Variants in SPATS1 observed in about 807,000 individuals in gnomAD.
SPATS1 encodes the protein spermatogenesis-associated serine-rich protein 1.
Under a neutral mutation model 33.6 loss-of-function variants are expected in SPATS1, and 23 were observed. That is an observed-to-expected ratio of 0.68 (90% confidence interval 0.49 to 0.97). The LOEUF is 0.97. Among genes scored for constraint, SPATS1 ranks in the 50% least tolerant of loss-of-function variants. The pLI is 0.00. For synonymous variants in SPATS1, 131 were observed against 125.6 expected, an observed-to-expected ratio of 1.04 and a Z score of -0.29; for missense variants, 327 against 361.0, an observed-to-expected ratio of 0.91 and a Z score of 0.76.
chr6:44,371,754 G>A (rs1345964326), intron 7 of SPATS1, among the ~76,000 whole-genome samples: 1 of 151,648 alleles, frequency 6.6e-6, no homozygotes, highest in Non-Finnish European at 1.5e-5. Context: ...GACCATCCTG[G>A]CTAACACAGT....
At chr6:44,344,801 A>G (rs1189151230) in intron 2 of SPATS1, among the ~76,000 whole-genome samples, 1 of 152,220 alleles carries the variant, frequency 6.6e-6, no homozygotes, top group Non-Finnish European at 1.5e-5. Flanking sequence ...TCTGGTTACC[A>G]GAACCTTCTC....
chr6:44,346,249 C>A (rs1971329), intron 2 of SPATS1, among the ~76,000 whole-genome samples: 110,100 of 149,848 alleles, frequency 0.73, 40,791 homozygotes, highest in Middle Eastern at 0.79. Context: ...CGAGATCACT[C>A]CAGCCTGGGT....
intron 5 of SPATS1, among the ~76,000 whole-genome samples, chr6:44,366,677 G>T (rs1488327985): frequency 1.3e-5 from 2 of 152,138 alleles, no homozygotes; most frequent in African/African-American, 2.4e-5. Context: ...TCCCTATCTA[G>T]ATAAGATTCC....
intron 5 of SPATS1, among the ~76,000 whole-genome samples, chr6:44,367,372 T>C (rs1467264843): frequency 2.0e-5 from 3 of 152,256 alleles, no homozygotes; most frequent in African/African-American, 7.2e-5. Context: ...CTTTGAATCC[T>C]CAGCATCTCA....
intron 5 of SPATS1, among the ~76,000 whole-genome samples, chr6:44,362,661 AAGAAGT>A (rs1182824453): frequency 6.6e-6 from 1 of 152,240 alleles, no homozygotes; most frequent in Non-Finnish European, 1.5e-5. Flanking sequence ...TACAAAGAGA[AAGAAGT>A]AGACTGTTCT....
In SPATS1 at chr6:44,343,189, C is replaced by A; in HGVS notation, c.94C>A (p.Pro32Thr). 1 of 1,613,998 alleles carries A rather than the reference C, an allele frequency of 6.2e-7. No individual in the cohort carries two copies. Residue 32 changes from proline to threonine, a missense_variant, in exon 2 of 9, where the codon CCA becomes ACA. Coordinates refer to ENST00000674044, the MANE Select transcript of SPATS1 (RefSeq NM_001372081.1). ...CTGCGGCAGACAGCTGGAGAAGGTT[C>A]CAGAAAAAAGGGACTCTGGCATGAC... is the stretch of plus-strand genomic sequence containing the variant. ...TTCGRQLEKVPEKRDSGMTEV... is the reference protein window; with the variant it reads ...TTCGRQLEKVTEKRDSGMTEV...
At position 44,352,769 on chromosome 6, in the gene SPATS1, C is replaced by T. The variant is rs764656257; in HGVS notation, c.183C>T (p.Ala61=). ...TTCTGGAATCTAAGGGATGTTTTGC[C>T]AACACAACACCCTCTGGCAAAAGTG... is the stretch of plus-strand genomic sequence containing the variant. ...SDFLESKGCF[A]NTTPSGKSVS... The change falls in exon 3 of 9, where the codon GCC becomes GCT. Residue 61 remains alanine, a synonymous_variant. Coordinates refer to ENST00000674044, the MANE Select transcript of SPATS1 (RefSeq NM_001372081.1). The T allele has an allele frequency of 5.6e-6, 9 of 1,614,028 alleles. No homozygotes were observed. Among genetic ancestry groups the T allele is most frequent in the Non-Finnish European group, 7.6e-6 (9 of 1,179,970 alleles).
chr6:44,354,164 C>T (rs986701582), intron 3 of SPATS1, among the ~76,000 whole-genome samples: 2 of 151,742 alleles, frequency 1.3e-5, no homozygotes, highest in African/African-American at 4.8e-5. Flanking sequence ...TGAGACTCCA[C>T]TCTACAAAAA....
rs1361986351 is a variant in SPATS1, at chr6:44,342,948, G to T, written c.1-148G>T. 3 of 1,247,676 alleles carry T rather than the reference G, an allele frequency of 2.4e-6. No homozygotes were observed. In the East Asian group the frequency reaches 7.8e-5, roughly 32 times the overall value. The allele number at this position is 1,247,676 out of a possible 1,614,324, so 77.3% of individuals were successfully genotyped here. A position where few individuals can be genotyped will look rare whatever the true frequency, so the allele number is the denominator to read the frequency against. On this transcript the variant is annotated intron_variant, in intron 1 of 8. Coordinates refer to ENST00000674044, the MANE Select transcript of SPATS1 (RefSeq NM_001372081.1). ...CCAAACCACGAAACGCCCAGGTGGA[G>T]GGAGTAAGGCTCCCGTTTAGAGGCC...
intron 2 of SPATS1, among the ~76,000 whole-genome samples, chr6:44,346,646 A>G (rs1180482603): frequency 6.6e-6 from 1 of 152,188 alleles, no homozygotes; most frequent in East Asian, 1.9e-4. Context: ...AGCCTCCCGA[A>G]GTGCTGAGAT....
Position 44,378,343 on chromosome 6 carries a change from A to G in SPATS1, c.*1280A>G, listed in dbSNP as rs1297703469. ...GGCTAATGAAGGCTGCAGATCTAGT[A>G]TCTCCAAAACCTTAAAGTGGAAAGA... is the stretch of plus-strand genomic sequence containing the variant. On this transcript the variant is annotated 3_prime_UTR_variant, in exon 9 of 9. Coordinates refer to ENST00000674044, the MANE Select transcript of SPATS1 (RefSeq NM_001372081.1). 6.6e-6 allele frequency: 1 copy of G among 152,130 alleles called. No homozygotes were observed. Among genetic ancestry groups the G allele is most frequent in the African/African-American group, 2.4e-5 (1 of 41,418 alleles). The allele number at this position is 152,130 out of a possible 1,614,324, so 9.4% of individuals were successfully genotyped here.
intron 5 of SPATS1, among the ~76,000 whole-genome samples, chr6:44,367,690 T>C (rs1041444578): frequency 3.3e-5 from 5 of 152,230 alleles, no homozygotes; most frequent in African/African-American, 1.2e-4. Context: ...CTGGTGTAAG[T>C]GTGTGGGTTG....
intron 3 of SPATS1, 23 bp from the exon 4 acceptor site, chr6:44,360,423 G>T: frequency 6.2e-7 from 1 of 1,613,798 alleles, no homozygotes. Flanking sequence ...GCACGTGGAA[G>T]AATCCTTCTG....
At chr6:44,365,211 A>G (rs1379083893) in intron 5 of SPATS1, among the ~76,000 whole-genome samples, 1 of 152,220 alleles carries the variant, frequency 6.6e-6, no homozygotes, top group Admixed American at 6.5e-5. Flanking sequence ...TCTTTAAATA[A>G]TGGTTGACTG....
At chr6:44,369,880 C>CATAAAATAAAATAAAACAAAATAAA (rs1789495431) in intron 6 of SPATS1, among the ~76,000 whole-genome samples, 171 bp from the exon 7 acceptor site, 1 of 147,500 alleles carries the variant, frequency 6.8e-6, no homozygotes, top group African/African-American at 2.5e-5. Context: ...TCAAAACATA[C>CATAAAATAAAATAAAACAAAATAAA]ATAAAATAAA....
intron 2 of SPATS1, among the ~76,000 whole-genome samples, chr6:44,350,024 G>A (rs957557811): frequency 6.6e-6 from 1 of 152,130 alleles, no homozygotes; most frequent in African/African-American, 2.4e-5. Context: ...CACCTCCCCT[G>A]GGCTTGACTC....
At chr6:44,369,793 G>A (rs925050542) in intron 6 of SPATS1, among the ~76,000 whole-genome samples, 8 of 151,964 alleles carry the variant, frequency 5.3e-5, no homozygotes, top group Non-Finnish European at 1.0e-4. Context: ...GATCACCTGA[G>A]CCTGAAAGGT....
chr6:44,377,212 A>G lies in SPATS1; in HGVS notation c.*149A>G. ...GCTTTTTTAAAACTTTATATTTTGA[A>G]AACTTTCACATTTACATAAAAGTTG... On this transcript the variant is annotated 3_prime_UTR_variant, in exon 9 of 9. Transcript: ENST00000674044. 1.1e-6 allele frequency: 1 copy of G among 891,572 alleles called. No homozygotes were observed. The highest frequency in any genetic ancestry group is 1.7e-6 in the Non-Finnish European group (1 of 577,924). The allele number at this position is 891,572 out of a possible 1,614,324, so 55.2% of individuals were successfully genotyped here.
intron 2 of SPATS1, among the ~76,000 whole-genome samples, chr6:44,348,247 G>A (rs1788022774): frequency 6.6e-6 from 1 of 152,084 alleles, no homozygotes; most frequent in African/African-American, 2.4e-5. Flanking sequence ...GACCTCAGGT[G>A]ATCCACCTGC....
Sources: allele counts gnomAD v4.1 joint callset (sites outside exome capture counted in the v4.1 genomes callset), GRCh38; gene constraint gnomAD v4.1.1; transcripts MANE v1.5; gene names NCBI Gene and HGNC (gene_info 2026-07-23, HGNC 2026-07-21).